NEK11: variants seen among roughly 807,000 people sequenced by gnomAD.
NEK11 encodes the protein NIMA related kinase 11, also known as serine/threonine-protein kinase Nek11.
In NEK11, 72 loss-of-function variants were observed where a neutral mutation model predicts 80.7. The ratio of observed to expected loss-of-function variants is 0.89; its 90% confidence interval spans 0.74 to 1.08. The LOEUF is 1.08. Ranked by LOEUF, NEK11 falls within the 50% of genes least tolerant of loss-of-function variation. The probability of loss-of-function intolerance (pLI) is 0.00; values close to 1 mark genes in which losing one functional copy is unlikely to be tolerated. For synonymous variants in NEK11, 251 were observed against 260.7 expected, an observed-to-expected ratio of 0.96 and a Z score of 0.36; for missense variants, 764 against 763.6, an observed-to-expected ratio of 1.00 and a Z score of -0.01.
At chr3:131,206,675 AT>A (rs544108832) in intron 14 of NEK11, among the ~76,000 whole-genome samples, 2,545 of 152,118 alleles carry the variant, frequency 0.017, 67 homozygotes, top group African/African-American at 0.058. Flanking sequence ...TTATTTATTT[AT>A]TTTTTTATTA....
At chr3:131,302,180 T>G (rs546955048) in intron 17 of NEK11, among the ~76,000 whole-genome samples, 2 of 152,136 alleles carry the variant, frequency 1.3e-5, no homozygotes, top group Non-Finnish European at 2.9e-5. Context: ...GATTTTTTTT[T>G]ATTTCTATAG....
chr3:131,263,630 T>C (rs1195525256), intron 16 of NEK11, among the ~76,000 whole-genome samples: 1 of 152,214 alleles, frequency 6.6e-6, no homozygotes, highest in Non-Finnish European at 1.5e-5. Flanking sequence ...GACATTTGGG[T>C]TGGTTCCAAG....
intron 16 of NEK11, among the ~76,000 whole-genome samples, chr3:131,251,518 A>T (rs1464729941): frequency 1.3e-5 from 2 of 152,140 alleles, no homozygotes; most frequent in Non-Finnish European, 2.9e-5. Flanking sequence ...TATAAAATAA[A>T]AAATACATAT....
At chr3:131,074,186 T>A (rs950253930) in intron 3 of NEK11, among the ~76,000 whole-genome samples, 3 of 152,168 alleles carry the variant, frequency 2.0e-5, no homozygotes. Flanking sequence ...GTCTCAGGGT[T>A]CGCCTTCTAG....
chr3:131,266,558 G>C (rs1371396270), intron 16 of NEK11, among the ~76,000 whole-genome samples: 4 of 152,162 alleles, frequency 2.6e-5, no homozygotes, highest in Non-Finnish European at 5.9e-5. Context: ...ATTGCACTGT[G>C]GTCTGAGAAA....
rs1561221002 is a variant in NEK11, at chr3:131,255,074, A to AGGAG, written c.1621+11578_1621+11579insGGAG. Among the ~76,000 whole-genome samples the AGGAG allele has an allele frequency of 1.8e-4, 22 of 122,120 alleles. No homozygotes were observed. The South Asian group carries it at 5.7e-3, about 32-fold the overall frequency. 80.1% of individuals were successfully genotyped at this position (122,120 alleles called of 152,430 possible). ...AGAGACAGACAGACAGACAGACAGA[A>AGGAG]AGAAGGAAAGAAAGAAAGAAAGAAA... On this transcript the variant is annotated intron_variant, in intron 16 of 17. Transcript: ENST00000383366.
At chr3:131,079,890 G>A (rs1241861062) in intron 3 of NEK11, among the ~76,000 whole-genome samples, 2 of 152,110 alleles carry the variant, frequency 1.3e-5, no homozygotes, top group African/African-American at 2.4e-5. Flanking sequence ...AAGCATGCCT[G>A]TGAGTGTGTG....
At chr3:131,249,136 A>G (rs2095655945) in intron 16 of NEK11, among the ~76,000 whole-genome samples, 1 of 152,136 alleles carries the variant, frequency 6.6e-6, no homozygotes, top group Admixed American at 6.6e-5. Flanking sequence ...GAAAAAAAAG[A>G]GAACATAAGA....
intron 3 of NEK11, among the ~76,000 whole-genome samples, chr3:131,034,666 C>T (rs1364897330): frequency 6.6e-6 from 1 of 152,184 alleles, no homozygotes; most frequent in African/African-American, 2.4e-5. Context: ...GGATTACAGG[C>T]GTGAGCCACC....
At chr3:131,314,023 A>G (rs566032265) in intron 17 of NEK11, among the ~76,000 whole-genome samples, 11 of 152,294 alleles carry the variant, frequency 7.2e-5, no homozygotes, top group African/African-American at 2.4e-4. Flanking sequence ...TTGTAATGAC[A>G]TCTAATTCTC....
rs113372601 is a variant in NEK11, at chr3:131,235,839, G to A, written c.1560+7151G>A. 1.2e-3 allele frequency among the ~76,000 whole-genome samples: 187 copies of A among 152,286 alleles called. 1 individual carries two copies. The highest frequency in any genetic ancestry group is 4.2e-3 in the African/African-American group (174 of 41,550). Reference sequence around the variant, plus strand: ...CTGGGGTTTAAACCAGCAAATATTCGTTGTACCAACTATTAGGAATTTGGA... The same window carrying A: ...CTGGGGTTTAAACCAGCAAATATTCATTGTACCAACTATTAGGAATTTGGA... On this transcript the variant is annotated intron_variant, in intron 15 of 17. Coordinates refer to ENST00000383366, the MANE Select transcript of NEK11 (RefSeq NM_024800.5).
intron 3 of NEK11, among the ~76,000 whole-genome samples, chr3:131,037,036 C>A (rs2065754193): frequency 1.3e-5 from 2 of 152,130 alleles, no homozygotes; most frequent in South Asian, 4.1e-4. Context: ...CATTTAACGG[C>A]CACTTGTTGG....
At chr3:131,315,467 CTGTGTGTGTGTGTG>C (rs111470166) in intron 17 of NEK11, among the ~76,000 whole-genome samples, 1 of 137,542 alleles carries the variant, frequency 7.3e-6, no homozygotes, top group African/African-American at 2.5e-5. Context: ...AATAATATTC[CTGTGTGTGTGTGTG>C]TGTGTGTGTG....
At chr3:131,037,907 A>G (rs1385828615) in intron 3 of NEK11, among the ~76,000 whole-genome samples, 1 of 152,158 alleles carries the variant, frequency 6.6e-6, no homozygotes, top group Admixed American at 6.5e-5. Flanking sequence ...TCCAGTGGTT[A>G]TCTGTGATGG....
At chr3:131,274,032 T>C (rs1451395387) in intron 17 of NEK11, among the ~76,000 whole-genome samples, 2 of 150,902 alleles carry the variant, frequency 1.3e-5, no homozygotes, top group African/African-American at 2.4e-5. Flanking sequence ...TATGTATACA[T>C]GTGCCATGCT....
At chr3:131,242,722 A>C (rs2095538038) in intron 15 of NEK11, among the ~76,000 whole-genome samples, 1 of 152,130 alleles carries the variant, frequency 6.6e-6, no homozygotes, top group African/African-American at 2.4e-5. Flanking sequence ...CCAGCCATAA[A>C]TTCTTAATTT....
At chr3:131,257,617 C>G (rs2095840060) in intron 16 of NEK11, among the ~76,000 whole-genome samples, 1 of 152,148 alleles carries the variant, frequency 6.6e-6, no homozygotes, top group Non-Finnish European at 1.5e-5. Flanking sequence ...ACCAGGTAAT[C>G]ATTTTTCAAT....
chr3:131,192,569 G>C (rs1468985928), intron 14 of NEK11, among the ~76,000 whole-genome samples: 2 of 152,074 alleles, frequency 1.3e-5, no homozygotes, highest in African/African-American at 4.8e-5. Flanking sequence ...GATAAACAAA[G>C]TATAACATAC....
At chr3:131,138,823 G>C (rs1578935150) in intron 7 of NEK11, among the ~76,000 whole-genome samples, 2 of 152,328 alleles carry the variant, frequency 1.3e-5, no homozygotes, top group South Asian at 4.1e-4. Context: ...GTGTTACTGG[G>C]CTTGGGGTGG....
Sources: gnomAD v4.1 joint callset for allele counts (sites outside exome capture counted in the v4.1 genomes callset) on GRCh38, gnomAD v4.1.1 for gene constraint, MANE v1.5 for transcripts, NCBI Gene and HGNC (gene_info 2026-07-23, HGNC 2026-07-21) for gene names.